Variants in RPS6KA6 observed in about 807,000 individuals in gnomAD.
RPS6KA6 encodes the protein ribosomal protein S6 kinase A6.
A neutral mutation model predicts 65.4 loss-of-function variants in RPS6KA6; 27 were observed. That is an observed-to-expected ratio of 0.41 (90% confidence interval 0.30 to 0.57). The LOEUF is 0.57. Ranked by LOEUF, RPS6KA6 falls within the 20% of genes least tolerant of loss-of-function variation. The pLI is 0.24. For synonymous variants in RPS6KA6, 190 were observed against 184.2 expected (o/e 1.03, Z -0.26); for missense variants, 486 against 555.6 (o/e 0.87, Z 1.26).
At chrX:84,140,931 T>A (rs955820289) in intron 6 of RPS6KA6, among the ~76,000 whole-genome samples, 3 of 109,013 alleles carry the variant, frequency 2.8e-5, no homozygotes, top group Admixed American at 1.0e-4. Context: ...AGAGTCTTTG[T>A]TAGAGTATAA....
intron 2 of RPS6KA6, among the ~76,000 whole-genome samples, chrX:84,162,229 TAAAA>T (rs746158369): frequency 1.0e-5 from 1 of 100,487 alleles, no homozygotes; most frequent in East Asian, 3.1e-4. Context: ...TTTAAAACAG[TAAAA>T]AAAAAAGCCA....
At chrX:84,126,542 C>A (rs1469389899) in intron 8 of RPS6KA6, among the ~76,000 whole-genome samples, 1 of 111,438 alleles carries the variant, frequency 9.0e-6, no homozygotes, top group Non-Finnish European at 1.9e-5. Context: ...CTGCAGAATA[C>A]ACATTCTTCT....
chrX:84,146,870 GTATT>G (rs2035208207), intron 5 of RPS6KA6, 104 bp downstream of exon 5: 1 of 404,079 alleles, frequency 2.5e-6, no homozygotes, highest in Non-Finnish European at 4.1e-6. Flanking sequence ...TAAGTCTAAA[GTATT>G]TATTTCCTGT....
chrX:84,178,996 G>T (rs2035808424), intron 1 of RPS6KA6, among the ~76,000 whole-genome samples: 1 of 111,112 alleles, frequency 9.0e-6, no homozygotes, highest in Non-Finnish European at 1.9e-5. Flanking sequence ...GACCATGTGG[G>T]AAAAATATTT....
At chrX:84,135,234 A>ATC in intron 6 of RPS6KA6, 24 bp from the exon 7 acceptor site, 1 of 1,015,940 alleles carries the variant, frequency 9.8e-7, no homozygotes, top group Non-Finnish European at 1.4e-6. Flanking sequence ...ATGATTTATC[A>ATC]TTTGATCTTT....
At chrX:84,177,599 A>G (rs894782288) in intron 1 of RPS6KA6, among the ~76,000 whole-genome samples, 1 of 111,845 alleles carries the variant, frequency 8.9e-6, no homozygotes, top group Admixed American at 9.5e-5. Flanking sequence ...AATCAACTTA[A>G]TTAGCACAAT....
At chrX:84,171,289 G>T (rs2147624809) in intron 1 of RPS6KA6, among the ~76,000 whole-genome samples, 1 of 111,368 alleles carries the variant, frequency 9.0e-6, no homozygotes, top group Admixed American at 9.6e-5. Flanking sequence ...CTGATCCATA[G>T]AAACTGTGAG....
intron 3 of RPS6KA6, among the ~76,000 whole-genome samples, chrX:84,154,336 T>C (rs2035378585): frequency 1.8e-5 from 2 of 111,306 alleles, no homozygotes; most frequent in African/African-American, 6.5e-5. Flanking sequence ...ATGAAAGCCT[T>C]AAATCCTTTC....
intron 1 of RPS6KA6, among the ~76,000 whole-genome samples, chrX:84,172,143 CGTGTTTATATATA>C (rs1214145404): frequency 9.0e-5 from 10 of 111,658 alleles, no homozygotes; most frequent in African/African-American, 2.9e-4. Context: ...AATAAACATG[CGTGTTTATATATA>C]GTGTTTATAT....
In RPS6KA6 at chrX:84,121,757, A is replaced by G. The variant is rs769074653; in HGVS notation, c.647-1730T>C. On this transcript the variant is annotated intron_variant, in intron 8 of 21. Coordinates refer to ENST00000262752, the MANE Select transcript of RPS6KA6 (RefSeq NM_014496.5). ...TCATACCATAAATAATTAACTCAAA[A>G]TGGATCGTAAACCATGTAAAACCTA... Among the ~76,000 whole-genome samples, 280 of 112,463 alleles carry G rather than the reference A, an allele frequency of 2.5e-3. 2 individuals carry two copies. Among genetic ancestry groups the G allele is most frequent in the Middle Eastern group, 9.2e-3 (2 of 218 alleles).
chrX:84,116,748 G>C (rs990195046), intron 11 of RPS6KA6, among the ~76,000 whole-genome samples: 2 of 95,773 alleles, frequency 2.1e-5, no homozygotes, highest in African/African-American at 7.5e-5. Flanking sequence ...AAGAATATTG[G>C]GGGGGGGCAA....
chrX:84,172,266 T>C (rs940692168), intron 1 of RPS6KA6, among the ~76,000 whole-genome samples: 3 of 111,743 alleles, frequency 2.7e-5, no homozygotes, highest in African/African-American at 9.8e-5. Context: ...ATTAATGGGA[T>C]TGCTAGATCA....
At chrX:84,075,229 C>A (rs1487518901) in intron 20 of RPS6KA6, among the ~76,000 whole-genome samples, 1 of 108,311 alleles carries the variant, frequency 9.2e-6, no homozygotes, top group African/African-American at 3.4e-5. Flanking sequence ...GAGACTCCGT[C>A]GCAAAACAAA....
chrX:84,066,430 G>A (rs769010876), intron 20 of RPS6KA6, among the ~76,000 whole-genome samples: 28 of 108,703 alleles, frequency 2.6e-4, no homozygotes, highest in Non-Finnish European at 2.9e-4. Flanking sequence ...GGCGGCGGGG[G>A]CGGGGGGGTG....
chrX:84,089,249 TGAC>T (rs1381072123), intron 20 of RPS6KA6, among the ~76,000 whole-genome samples: 1 of 111,921 alleles, frequency 8.9e-6, no homozygotes, highest in Non-Finnish European at 1.9e-5. Context: ...CAGGTTAGAA[TGAC>T]TGACCCAACC....
At chrX:84,164,501 T>C in intron 1 of RPS6KA6, 114 bp from the exon 2 acceptor site, 2 of 502,774 alleles carry the variant, frequency 4.0e-6, no homozygotes, top group South Asian at 3.5e-5. Flanking sequence ...CCACACTTAC[T>C]GAAAAACAAA....
Position 84,062,985 on chromosome X carries a change from C to T in RPS6KA6, c.*1292G>A, listed in dbSNP as rs190914675. On this transcript the variant is annotated 3_prime_UTR_variant, in exon 22 of 22. Coordinates refer to ENST00000262752, the MANE Select transcript of RPS6KA6 (RefSeq NM_014496.5). ...GTAGCTGCTGCTGTTGTTGTAGCAA[C>T]GGTATTTTCTTCAACAACGTGAAAT... 95 of 110,216 alleles carry T rather than the reference C, an allele frequency of 8.6e-4. No individual in the cohort carries two copies. Among genetic ancestry groups the T allele is most frequent in the African/African-American group, 2.9e-3 (87 of 30,447 alleles). 9.1% of individuals were successfully genotyped at this position (110,216 alleles called of 1,213,427 possible).
intron 1 of RPS6KA6, among the ~76,000 whole-genome samples, chrX:84,168,420 A>G (rs2035630848): frequency 9.0e-6 from 1 of 111,537 alleles, no homozygotes; most frequent in Non-Finnish European, 1.9e-5. Flanking sequence ...CCCCTGCTTC[A>G]TATCTGCTCT....
chrX:84,123,720 C>T (rs1365243099), intron 8 of RPS6KA6, among the ~76,000 whole-genome samples: 2 of 112,205 alleles, frequency 1.8e-5, no homozygotes, highest in Non-Finnish European at 3.8e-5. Flanking sequence ...TAATCCTTGG[C>T]TCCCAGACAG....
Sources: allele counts gnomAD v4.1 joint callset (sites outside exome capture counted in the v4.1 genomes callset), GRCh38; gene constraint gnomAD v4.1.1; transcripts MANE v1.5; gene names NCBI Gene and HGNC (gene_info 2026-07-23, HGNC 2026-07-21).